Variants in PLCH2 observed in about 807,000 individuals in gnomAD.
PLCH2 encodes 1-phosphatidylinositol 4,5-bisphosphate phosphodiesterase eta-2.
A neutral mutation model predicts 134.7 loss-of-function variants in PLCH2; 98 were observed. That is an observed-to-expected ratio of 0.73 (90% CI 0.62 to 0.86). PLCH2 has a LOEUF of 0.86. PLCH2 is among the 40% of genes least tolerant of loss of function. PLCH2 has a pLI of 0.00. For missense variants in PLCH2, 1,994 were observed against 1,986.6 expected, an observed-to-expected ratio of 1.00 and a Z score of -0.07; for synonymous variants, 974 against 827.5, an observed-to-expected ratio of 1.18 and a Z score of -3.04.
Position 2,505,082 on chromosome 1 carries a change from G to A in PLCH2, c.4120G>A (p.Glu1374Lys). 1 of 1,538,728 alleles carries A rather than the reference G, an allele frequency of 6.5e-7. No homozygotes were observed. The highest frequency in any genetic ancestry group is 8.7e-7 in the Non-Finnish European group (1 of 1,149,938). The change falls in exon 22 of 22, where the codon GAG becomes AAG. Residue 1374 changes from glutamate (E) to lysine (K), a missense_variant. Transcript: ENST00000378486. ...CCTGGGCCGGCAGGGACCCCCAGAA[G>A]AGGAGCGGGGCACCCCCGAGGGCGC... is the stretch of plus-strand genomic sequence containing the variant. ...QGLGRQGPPE[E>K]ERGTPEGACS...
intron 2 of PLCH2, among the ~76,000 whole-genome samples, chr1:2,454,368 G>A (rs1471363878): frequency 6.6e-6 from 1 of 152,214 alleles, no homozygotes; most frequent in East Asian, 1.9e-4. Flanking sequence ...CCTTGGAAGT[G>A]CAGGCCCTTG....
Position 2,459,001 on chromosome 1 carries a change from C to G in PLCH2, c.116-19475C>G, listed in dbSNP as rs1422667354. Among the ~76,000 whole-genome samples, 5 of 152,250 alleles carry G rather than the reference C, an allele frequency of 3.3e-5. No homozygotes were observed. In the East Asian group the frequency reaches 7.7e-4, roughly 23 times the overall value. ...CTTGCAGCGTGGCTGCTCCTGGGCA[C>G]TCTTGAGTCACTGCCTCGTAGTGAC... On this transcript the variant is annotated intron_variant, in intron 2 of 3. Transcript: ENST00000609981.
chr1:2,503,495 A>T, intron 21 of PLCH2: 2 of 647,232 alleles, frequency 3.1e-6, no homozygotes, highest in Non-Finnish European at 5.6e-6. Flanking sequence ...GCACCCCACT[A>T]GAAGGGTGTC....
intron 4 of PLCH2, 150 bp downstream of exon 4, chr1:2,480,462 G>C: frequency 1.1e-6 from 1 of 919,912 alleles, no homozygotes; most frequent in Non-Finnish European, 1.6e-6. Flanking sequence ...GCTGAGGATG[G>C]GGCTGTCTGA....
chr1:2,442,475 A>G (rs538057561), intron 2 of PLCH2, among the ~76,000 whole-genome samples: 1 of 152,158 alleles, frequency 6.6e-6, no homozygotes, highest in Non-Finnish European at 1.5e-5. Context: ...CTTGGTGCCC[A>G]TCTCGGGCCT....
At position 2,478,507 on chromosome 1, in the gene PLCH2, G is replaced by C. The variant is rs1356613655; in HGVS notation, c.156G>C (p.Gly52=). 2 of 1,612,794 alleles carry C rather than the reference G, an allele frequency of 1.2e-6. No individual in the cohort carries two copies. Among genetic ancestry groups the C allele is most frequent in the Non-Finnish European group, 1.7e-6 (2 of 1,179,818 alleles). The part of the protein sequence containing the change: ...VERCMGAMQE[G]MQMVKLRGGS... ...GGTGCATGGGTGCCATGCAAGAGGG[G>C]ATGCAGATGGTGAAGCTGCGTGGCG... The change falls in exon 2 of 22, where the codon GGG becomes GGC. Residue 52 remains glycine (G), a synonymous_variant. Transcript: ENST00000378486.
At chr1:2,477,779 T>C (rs1641714347) in intron 1 of PLCH2, among the ~76,000 whole-genome samples, 1 of 152,172 alleles carries the variant, frequency 6.6e-6, no homozygotes. Flanking sequence ...AAGTCCATAC[T>C]GCAGTGCAGG....
At chr1:2,473,812 C>T (rs930655488), upstream of PLCH2, among the ~76,000 whole-genome samples, 1 of 152,236 alleles carries the variant, frequency 6.6e-6, no homozygotes, top group South Asian at 2.1e-4. Context: ...CCTCCTCTCC[C>T]CGACGGAGCC....
intron 21 of PLCH2, chr1:2,503,583 T>G: frequency 1.5e-6 from 1 of 678,318 alleles, no homozygotes; most frequent in South Asian, 1.5e-5. Flanking sequence ...TGACCAAGCT[T>G]TCCTTTCTGC....
chr1:2,496,953 C>T lies in PLCH2; in HGVS notation c.2059C>T (p.Arg687Cys). The change falls in exon 15 of 22, where the codon CGT (arginine) becomes TGT (cysteine). Residue 687 changes from arginine (R) to cysteine (C), a missense_variant. Arg to Cys is a radical substitution (Grantham distance 180). Around this residue, in one of 2 missense-constraint regions of PLCH2, gnomAD observed 1,094 missense variants for 1,234.3 expected, o/e 0.89. Transcript: ENST00000378486. ...CTCCCGCATCTACCCCTCCTCCTACCGTGTGGACTCCAGCAACTACAACCC... is the reference window on the plus strand; with the variant it reads ...CTCCCGCATCTACCCCTCCTCCTACTGTGTGGACTCCAGCAACTACAACCC... ...QLSRIYPSSY[R>C]VDSSNYNPQP... is the part of the protein sequence containing the mutation. 4.3e-6 allele frequency: 7 copies of T among 1,613,376 alleles called. No individual in the cohort carries two copies. Among genetic ancestry groups the T allele is most frequent in the East Asian group, 2.2e-5 (1 of 44,882 alleles).
the PLCH2 span, among the ~76,000 whole-genome samples, chr1:2,418,060 A>G: frequency 6.6e-6 from 1 of 152,206 alleles, no homozygotes; most frequent in African/African-American, 2.4e-5. Flanking sequence ...GCGAACACGC[A>G]GGCACTCAGG....
intron 2 of PLCH2, among the ~76,000 whole-genome samples, chr1:2,432,259 G>T (rs986864973): frequency 6.6e-6 from 1 of 152,212 alleles, no homozygotes; most frequent in Non-Finnish European, 1.5e-5. Context: ...GCGGTGGGCA[G>T]TGATGGGGAT....
At chr1:2,473,519 T>G (rs541843354), upstream of PLCH2, among the ~76,000 whole-genome samples, 2 of 152,306 alleles carry the variant, frequency 1.3e-5, no homozygotes, top group Admixed American at 1.3e-4. Context: ...GGCCAGACCC[T>G]TGAGAGCTGG....
chr1:2,478,813 C>T (rs886981550), intron 2 of PLCH2, among the ~76,000 whole-genome samples, 191 bp downstream of exon 2: 5 of 152,134 alleles, frequency 3.3e-5, no homozygotes, highest in East Asian at 1.9e-4. Context: ...GCCCCCTGCC[C>T]GCCTGGCAGA....
intron 2 of PLCH2, among the ~76,000 whole-genome samples, chr1:2,452,329 C>T (rs1191866393): frequency 1.3e-5 from 2 of 152,198 alleles, no homozygotes; most frequent in African/African-American, 4.8e-5. Flanking sequence ...GTAGCAGCCC[C>T]GTGGAAGTAT....
At chr1:2,464,724 G>A (rs564392809), upstream of PLCH2, among the ~76,000 whole-genome samples, 1 of 152,218 alleles carries the variant, frequency 6.6e-6, no homozygotes, top group Non-Finnish European at 1.5e-5. Context: ...TGAGATGCTG[G>A]GTGGTGCCCT....
Position 2,487,197 on chromosome 1 carries a change from C to T in PLCH2, c.935C>T (p.Pro312Leu), listed in dbSNP as rs200798028. ...IDGFTNYTRSPAGDIFNPEHH... is the reference protein window; with the variant it reads ...IDGFTNYTRSLAGDIFNPEHH... ...GGCTTCACCAACTACACCAGGAGCC[C>T]TGCTGGTGACATCTTCAACCCTGAG... Residue 312 changes from proline to leucine, a missense_variant, in exon 7 of 22, where the codon CCT (proline) becomes CTT (leucine). Transcript: ENST00000378486. 2.6e-4 allele frequency: 409 copies of T among 1,580,582 alleles called. No individual in the cohort carries two copies. Among genetic ancestry groups the T allele is most frequent in the South Asian group, 3.9e-4 (34 of 86,942 alleles).
the PLCH2 span, among the ~76,000 whole-genome samples, chr1:2,417,310 A>T: frequency 6.6e-6 from 1 of 152,168 alleles, no homozygotes; most frequent in African/African-American, 2.4e-5. Flanking sequence ...GAGACTTTGC[A>T]CTGGTAAGAG....
Position 2,498,782 on chromosome 1 carries a change from C to T in PLCH2, c.2388C>T (p.Leu796=). 6.2e-7 allele frequency: 1 copy of T among 1,611,596 alleles called. No homozygotes were observed. The highest frequency in any genetic ancestry group is 1.3e-5 in the African/African-American group (1 of 74,998). The change falls in exon 18 of 22, where the codon CTC becomes CTT. Residue 796 remains leucine (L), a synonymous_variant. Coordinates refer to ENST00000378486, the MANE Select transcript of PLCH2 (RefSeq NM_014638.4). This position sits in a 1 kb window ranked among gnomAD's most constrained non-coding sequence, Gnocchi z 5.4. ...DPFVEVEIIG[L]PVDCSREQTR... ...TTGTGGAGGTGGAGATCATTGGGCT[C>T]CCTGTGGACTGCAGCAGGGAGCAGA...
Sources: allele counts gnomAD v4.1 joint callset (sites outside exome capture counted in the v4.1 genomes callset), GRCh38; gene constraint gnomAD v4.1.1; regional missense constraint gnomAD v4.1.1; non-coding constraint Gnocchi (gnomAD v3.1); transcripts MANE v1.5; gene names NCBI Gene and HGNC (gene_info 2026-07-23, HGNC 2026-07-21).